The following FMNL2 variants were observed in gnomAD, a reference collection of about 807,000 sequenced individuals.
FMNL2 encodes formin-like protein 2.
Under a neutral mutation model 130.2 loss-of-function variants are expected in FMNL2, and 51 were observed. That is an observed-to-expected ratio of 0.39 (90% CI 0.31 to 0.49). The LOEUF is 0.49. FMNL2 is among the 20% of genes least tolerant of loss of function. FMNL2 has a pLI of 0.85. For synonymous variants in FMNL2, 465 were observed against 467.1 expected (o/e 1.00, Z 0.06); for missense variants, 977 against 1,316.2 (o/e 0.74, Z 3.99).
chr2:152,481,754 G>A (rs1299600405), intron 1 of FMNL2, among the ~76,000 whole-genome samples: 1 of 152,172 alleles, frequency 6.6e-6, no homozygotes, highest in Non-Finnish European at 1.5e-5. Flanking sequence ...GATAATGTCA[G>A]ATCTTCTAGG....
intron 1 of FMNL2, among the ~76,000 whole-genome samples, chr2:152,427,639 C>A (rs940161172): frequency 7.9e-5 from 12 of 151,730 alleles, no homozygotes; most frequent in African/African-American, 2.9e-4. Context: ...AAAAATGAGA[C>A]TAAAACTTTC....
chr2:152,623,951 C>T (rs1681555122), intron 15 of FMNL2, among the ~76,000 whole-genome samples: 1 of 150,610 alleles, frequency 6.6e-6, no homozygotes, highest in Non-Finnish European at 1.5e-5. Context: ...TAGTCAAACA[C>T]AGCTGACTCC....
intron 9 of FMNL2, among the ~76,000 whole-genome samples, chr2:152,598,849 C>T (rs1697897086): frequency 6.6e-6 from 1 of 152,184 alleles, no homozygotes; most frequent in Non-Finnish European, 1.5e-5. Flanking sequence ...ATGGGAATTG[C>T]TCACGTGGTT....
chr2:152,351,875 TTTAA>T (rs1196511208), intron 1 of FMNL2, among the ~76,000 whole-genome samples: 1 of 152,202 alleles, frequency 6.6e-6, no homozygotes, highest in East Asian at 1.9e-4. Context: ...GTTTCCTGAC[TTTAA>T]TAATCACCAT....
At chr2:152,644,442 C>T (rs560078070) in intron 25 of FMNL2, among the ~76,000 whole-genome samples, 11 of 152,192 alleles carry the variant, frequency 7.2e-5, no homozygotes, top group East Asian at 1.9e-4. Context: ...CTCTCTTATA[C>T]GTCCATAGCA....
chr2:152,580,907 A>G lies in FMNL2; in HGVS notation c.783-49A>G, dbSNP rs368676753. 1.0e-4 allele frequency: 160 copies of G among 1,541,634 alleles called. 1 individual carries two copies. The highest frequency in any genetic ancestry group is 2.1e-4 in the Admixed American group (12 of 58,242). On this transcript the variant is annotated intron_variant, in intron 8 of 25. Coordinates refer to ENST00000288670, the MANE Select transcript of FMNL2 (RefSeq NM_052905.4). ...CTTGGAAGGAAGAAACAGCTGACTC[A>G]TCATGCCATTTTCACTGATTTGTGT...
rs149330730 is a variant in FMNL2 at position 152,404,275 on chromosome 2, G to T, written c.117+68555G>T. ...ATCATCGGTTTGTTCAGTTAAATACGTATCAATGGACAAGCTTTTCCTTTC... is the reference window on the plus strand; with the variant it reads ...ATCATCGGTTTGTTCAGTTAAATACTTATCAATGGACAAGCTTTTCCTTTC... On this transcript the variant is annotated intron_variant, in intron 1 of 25. Transcript: ENST00000288670. 2.6e-5 allele frequency among the ~76,000 whole-genome samples: 4 copies of T among 152,224 alleles called. No individual in the cohort carries two copies. The East Asian group carries it at 7.7e-4, about 29-fold the overall frequency.
chr2:152,358,821 A>T (rs76748669), intron 1 of FMNL2, among the ~76,000 whole-genome samples: 1 of 152,176 alleles, frequency 6.6e-6, no homozygotes, highest in Non-Finnish European at 1.5e-5. Flanking sequence ...ATCCTTGTCT[A>T]TGTCACCTGA....
At chr2:152,641,016 G>A (rs752479660) in intron 25 of FMNL2, 102 bp downstream of exon 25, 16 of 1,481,700 alleles carry the variant, frequency 1.1e-5, no homozygotes, top group Non-Finnish European at 1.5e-5. Context: ...GGGTTGTCAA[G>A]TTCATTAGTT....
rs773565416 is a variant in FMNL2 at position 152,648,521 on chromosome 2, A to G, written c.*616A>G. The stretch of plus-strand genomic sequence containing the variant: ...GAACGATGCTCTGTGAGAGGCATTC[A>G]CTAGTATGAATGTGGGGATATAGTG... On this transcript the variant is annotated 3_prime_UTR_variant, in exon 26 of 26. Transcript: ENST00000288670. The G allele has an allele frequency of 3.3e-5, 5 of 153,180 alleles. No homozygotes were observed. The highest frequency in any genetic ancestry group is 7.3e-5 in the Non-Finnish European group (5 of 68,542). The allele number at this position is 153,180 out of a possible 1,614,324, so 9.5% of individuals were successfully genotyped here. A position where few individuals can be genotyped will look rare whatever the true frequency, so the allele number is the denominator to read the frequency against.
At chr2:152,620,189 AG>A (rs1018035806) in intron 15 of FMNL2, among the ~76,000 whole-genome samples, 4 of 152,002 alleles carry the variant, frequency 2.6e-5, no homozygotes, top group African/African-American at 9.7e-5. Context: ...TGCCTGACGT[AG>A]GCTTCCAGGC....
chr2:152,414,560 C>T (rs1686499342), intron 1 of FMNL2, among the ~76,000 whole-genome samples: 1 of 152,180 alleles, frequency 6.6e-6, no homozygotes, highest in Non-Finnish European at 1.5e-5. Context: ...ATAGCAAGGA[C>T]TATCCTGTCT....
chr2:152,607,144 G>A (rs1177198617), intron 9 of FMNL2, among the ~76,000 whole-genome samples, 195 bp from the exon 10 acceptor site: 1 of 151,964 alleles, frequency 6.6e-6, no homozygotes, highest in Non-Finnish European at 1.5e-5. Context: ...AATCTGGAAA[G>A]GAAACCAAGA....
intron 10 of FMNL2, among the ~76,000 whole-genome samples, chr2:152,608,144 C>T (rs867129168): frequency 2.0e-5 from 3 of 152,016 alleles, no homozygotes; most frequent in South Asian, 2.1e-4. Context: ...GATCTGTAGG[C>T]GTTGACCCAA....
chr2:152,418,299 GT>G (rs34528806), intron 1 of FMNL2, among the ~76,000 whole-genome samples: 26,933 of 151,934 alleles, frequency 0.18, 2,913 homozygotes, highest in African/African-American at 0.3. Flanking sequence ...GTGGTAAAAC[GT>G]TAAGATAAAA....
At chr2:152,564,778 T>TTTTTGTTTTTTG (rs1356660360) in intron 6 of FMNL2, among the ~76,000 whole-genome samples, 7 of 129,668 alleles carry the variant, frequency 5.4e-5, no homozygotes, top group African/African-American at 2.1e-4. Context: ...CAAGGTTGGT[T>TTTTTGTTTTTTG]TTTTTTTTTT....
chr2:152,408,723 A>G (rs1686130559), intron 1 of FMNL2, among the ~76,000 whole-genome samples: 1 of 152,234 alleles, frequency 6.6e-6, no homozygotes, highest in Non-Finnish European at 1.5e-5. Flanking sequence ...ATTAGCCTAT[A>G]GTTGGCAAAA....
At chr2:152,366,600 G>T (rs1322869312) in intron 1 of FMNL2, among the ~76,000 whole-genome samples, 1 of 152,032 alleles carries the variant, frequency 6.6e-6, no homozygotes, top group Non-Finnish European at 1.5e-5. Flanking sequence ...CCAGATGCAG[G>T]GTCTAGATAA....
At chr2:152,573,464 G>A (rs1322695878) in intron 6 of FMNL2, among the ~76,000 whole-genome samples, 1 of 152,170 alleles carries the variant, frequency 6.6e-6, no homozygotes, top group African/African-American at 2.4e-5. Flanking sequence ...TCGCAGTGAG[G>A]AGACTTCTGG....
Sources: allele counts gnomAD v4.1 joint callset (sites outside exome capture counted in the v4.1 genomes callset), GRCh38; gene constraint gnomAD v4.1.1; transcripts MANE v1.5; gene names NCBI Gene and HGNC (gene_info 2026-07-23, HGNC 2026-07-21).